Variants in CNTNAP3B observed in about 807,000 individuals in gnomAD.
The protein encoded by CNTNAP3B is contactin associated protein family member 3B.
Under a neutral mutation model 108.9 loss-of-function variants are expected in CNTNAP3B, and 25 were observed. The ratio of observed to expected loss-of-function variants is 0.23; its 90% CI spans 0.17 to 0.32. CNTNAP3B has a LOEUF of 0.32. CNTNAP3B is among the 10% of genes least tolerant of loss of function. The probability of loss-of-function intolerance (pLI) is 1.00; values close to 1 mark genes in which losing one functional copy is unlikely to be tolerated. For synonymous variants in CNTNAP3B, 103 were observed against 473.4 expected, an observed-to-expected ratio of 0.22 and a Z score of 10.16; for missense variants, 252 against 1,210.4, an observed-to-expected ratio of 0.21 and a Z score of 11.75.
intron 3 of CNTNAP3B, among the ~76,000 whole-genome samples, chr9:42,014,706 G>T (rs368636284): frequency 3.9e-5 from 2 of 50,672 alleles, no homozygotes; most frequent in Non-Finnish European, 7.4e-5. Context: ...CAGAAGAATG[G>T]TGTGAACCCG....
chr9:42,121,525 A>T (rs1049478563), intron 1 of CNTNAP3B, among the ~76,000 whole-genome samples: 1 of 138,630 alleles, frequency 7.2e-6, no homozygotes, highest in Non-Finnish European at 1.5e-5. Context: ...CTGCCAAAAC[A>T]AAACAAATTG....
At chr9:41,934,506 C>A (rs1247192410) in intron 14 of CNTNAP3B, among the ~76,000 whole-genome samples, 2 of 152,250 alleles carry the variant, frequency 1.3e-5, no homozygotes, top group African/African-American at 2.4e-5. Context: ...CAGGCGTGAG[C>A]CACGGCGCCC....
chr9:41,934,872 T>A (rs1377013797), intron 14 of CNTNAP3B, among the ~76,000 whole-genome samples: 1 of 152,298 alleles, frequency 6.6e-6, no homozygotes, highest in Non-Finnish European at 1.5e-5. Flanking sequence ...TTAAACCATC[T>A]TATTTTATGC....
intron 1 of CNTNAP3B, among the ~76,000 whole-genome samples, chr9:42,124,657 A>C (rs1156299814): frequency 8.0e-6 from 1 of 125,202 alleles, no homozygotes; most frequent in African/African-American, 3.3e-5. Flanking sequence ...GAAGCCCATT[A>C]CAGAAGACCA....
chr9:41,935,076 C>T (rs1167447966), intron 14 of CNTNAP3B, among the ~76,000 whole-genome samples: 7 of 152,254 alleles, frequency 4.6e-5, no homozygotes, highest in African/African-American at 1.4e-4. Flanking sequence ...TGAACATAGT[C>T]CACTATACAT....
At chr9:41,944,774 C>A (rs1222604057) in intron 13 of CNTNAP3B, among the ~76,000 whole-genome samples, 3 of 152,278 alleles carry the variant, frequency 2.0e-5, no homozygotes, top group Non-Finnish European at 4.4e-5. Context: ...CAAATGGGAT[C>A]TAATTAAACT....
chr9:42,113,898 C>T (rs1828254563), intron 1 of CNTNAP3B, among the ~76,000 whole-genome samples: 2 of 139,080 alleles, frequency 1.4e-5, no homozygotes, highest in Non-Finnish European at 3.1e-5. Context: ...CAAAACATCT[C>T]ATGTAGACCA....
chr9:42,012,687 G>C (rs1326072756), intron 4 of CNTNAP3B, among the ~76,000 whole-genome samples: 1 of 121,632 alleles, frequency 8.2e-6, no homozygotes, highest in Non-Finnish European at 1.7e-5. Context: ...ATTCCATTTT[G>C]ACAATAATTT....
chr9:41,937,430 G>GT lies in CNTNAP3B; in HGVS notation c.2237+813dup, dbSNP rs1181646614. On this transcript the variant is annotated intron_variant, in intron 14 of 23. Transcript: ENST00000377561. Reference sequence around the variant, plus strand: ...GCATGAGCCACAGTGCCTGGCCTAAGTTTTTTTTTAAAGCACGTACTCTAC... The same window carrying GT: ...GCATGAGCCACAGTGCCTGGCCTAAGTTTTTTTTTTAAAGCACGTACTCTAC... 1.1e-4 allele frequency among the ~76,000 whole-genome samples: 16 copies of GT among 150,218 alleles called. No homozygotes were observed. The South Asian group carries it at 1.5e-3, about 14-fold the overall frequency.
chr9:41,942,997 T>C (rs1261505813), intron 13 of CNTNAP3B, among the ~76,000 whole-genome samples: 21 of 152,372 alleles, frequency 1.4e-4, no homozygotes, highest in Middle Eastern at 3.4e-3. Flanking sequence ...TACAGTCTTA[T>C]GAGACGAATC....
intron 3 of CNTNAP3B, among the ~76,000 whole-genome samples, chr9:42,033,190 C>G (rs372066962): frequency 2.9e-5 from 4 of 139,464 alleles, no homozygotes; most frequent in South Asian, 2.3e-4. Flanking sequence ...GAATCACTTT[C>G]CCATTAATAA....
At chr9:41,928,020 C>G (rs1336179466) in intron 15 of CNTNAP3B, among the ~76,000 whole-genome samples, 6 of 151,402 alleles carry the variant, frequency 4.0e-5, no homozygotes, top group African/African-American at 9.8e-5. Context: ...ATATTTCGGT[C>G]AAAATAAGCA....
intron 13 of CNTNAP3B, among the ~76,000 whole-genome samples, chr9:41,939,437 T>C (rs1824264254): frequency 6.6e-6 from 1 of 152,276 alleles, no homozygotes; most frequent in Non-Finnish European, 1.5e-5. Flanking sequence ...TATAACTCAT[T>C]CATAGATAAG....
chr9:41,919,654 T>C (rs1231202121), intron 18 of CNTNAP3B, among the ~76,000 whole-genome samples: 3 of 152,234 alleles, frequency 2.0e-5, no homozygotes, highest in Non-Finnish European at 4.4e-5. Flanking sequence ...GGTAAGACGA[T>C]TGCTCAAGCC....
intron 12 of CNTNAP3B, among the ~76,000 whole-genome samples, chr9:41,957,702 G>A (rs1450442745): frequency 6.6e-6 from 1 of 152,074 alleles, no homozygotes. Flanking sequence ...TAAAGTCCTG[G>A]TCTGATAATT....
At chr9:42,075,232 T>G (rs1274387817) in intron 3 of CNTNAP3B, among the ~76,000 whole-genome samples, 29 of 146,970 alleles carry the variant, frequency 2.0e-4, no homozygotes, top group Non-Finnish European at 4.0e-4. Context: ...GACTACATTT[T>G]AACTTGATTA....
At chr9:42,110,400 A>G (rs1052651177) in intron 1 of CNTNAP3B, among the ~76,000 whole-genome samples, 1 of 137,092 alleles carries the variant, frequency 7.3e-6, no homozygotes, top group Non-Finnish European at 1.6e-5. Context: ...GGAAGGGGCC[A>G]CCGAACTGCT....
chr9:41,925,588 A>C (rs1401570637), intron 15 of CNTNAP3B, among the ~76,000 whole-genome samples: 1 of 147,384 alleles, frequency 6.8e-6, no homozygotes, highest in Non-Finnish European at 1.5e-5. Context: ...GCGAGACTCC[A>C]TCTCAAAAAC....
intron 14 of CNTNAP3B, among the ~76,000 whole-genome samples, chr9:41,932,743 C>A (rs1304876082): frequency 1.3e-5 from 2 of 151,852 alleles, no homozygotes; most frequent in African/African-American, 4.9e-5. Context: ...TGGTCTCGAA[C>A]TTCTGACTTC....
Sources: gnomAD v4.1 joint callset for allele counts (sites outside exome capture counted in the v4.1 genomes callset) on GRCh38, gnomAD v4.1.1 for gene constraint, MANE v1.5 for transcripts, NCBI Gene and HGNC (gene_info 2026-07-23, HGNC 2026-07-21) for gene names.